CARMIL3: variants seen among roughly 807,000 people sequenced by gnomAD.
CARMIL3 encodes the protein capping protein, Arp2/3 and myosin-I linker protein 3.
A neutral mutation model predicts 180.8 loss-of-function variants in CARMIL3; 88 were observed. The observed-to-expected ratio is 0.49, with a 90% CI of 0.41 to 0.58. The LOEUF (loss-of-function observed/expected upper bound fraction) is 0.58, where lower values mean the gene tolerates loss of function less well. CARMIL3 is among the 20% of genes least tolerant of loss of function. The pLI, the probability that CARMIL3 is intolerant of heterozygous loss-of-function variation, is 0.00. For synonymous variants in CARMIL3, 696 were observed against 714.5 expected, an observed-to-expected ratio of 0.97 and a Z score of 0.41; for missense variants, 1,548 against 1,787.0, an observed-to-expected ratio of 0.87 and a Z score of 2.41.
intron 11 of CARMIL3, 82 bp from the exon 12 acceptor site, chr14:24,056,540 C>A: frequency 6.6e-7 from 1 of 1,509,676 alleles, no homozygotes; most frequent in Non-Finnish European, 9.2e-7. Flanking sequence ...CTGTACCCTA[C>A]TCGAGCCCCC....
chr14:24,062,641 C>G lies in CARMIL3; in HGVS notation c.2569-68C>G. ...CACATTATCCTGTCTCCCTAATCAC[C>G]CTCCCCTTCAAGGCCCTGGGAGGTG... On this transcript the variant is annotated intron_variant, in intron 28 of 39. Coordinates refer to ENST00000342740, the MANE Select transcript of CARMIL3 (RefSeq NM_138360.4). 4 of 1,613,096 alleles carry G rather than the reference C, an allele frequency of 2.5e-6. No homozygotes were observed. The South Asian group carries it at 4.4e-5, about 18-fold the overall frequency.
rs768781190 is a variant in CARMIL3, at chr14:24,060,951, G to A, written c.2215G>A (p.Gly739Ser). 6 of 1,551,692 alleles carry A rather than the reference G, an allele frequency of 3.9e-6. No individual in the cohort carries two copies. The highest frequency in any genetic ancestry group is 5.2e-6 in the Non-Finnish European group (6 of 1,146,996). ...GCTGTTTCCCAGCCTCTATGAGCTG[G>A]GCCACGTGCTGGCCAATGATGGGCC... Reference protein sequence around the residue: ...RALFPSLYELGHVLANDGPVR... With the variant: ...RALFPSLYELSHVLANDGPVR... Residue 739 changes from glycine to serine, a missense_variant, in exon 26 of 40, where the codon GGC (glycine) becomes AGC (serine). By Grantham distance (56) the Gly-to-Ser change is moderately conservative (BLOSUM62 0). Transcript: ENST00000342740.
chr14:24,060,859 C>T, intron 25 of CARMIL3, 68 bp from the exon 26 acceptor site: 1 of 1,539,294 alleles, frequency 6.5e-7, no homozygotes, highest in South Asian at 1.2e-5. Flanking sequence ...GCCTTCCTAG[C>T]CCAGGGACCC....
rs775912759 is a variant in CARMIL3 at position 24,068,655 on chromosome 14, G to A, written c.3754G>A (p.Glu1252Lys). 9.3e-6 allele frequency: 15 copies of A among 1,613,926 alleles called. No homozygotes were observed. In the Middle Eastern group the frequency reaches 4.9e-4, roughly 53 times the overall value. Residue 1252 changes from glutamate to lysine, a missense_variant, in exon 37 of 40, where the codon GAG becomes AAG. By Grantham distance (56) the Glu-to-Lys change is moderately conservative. This residue lies in a region of CARMIL3 where 668 missense variants were observed against 687.8 expected (regional missense o/e 0.97). Transcript: ENST00000342740. ...CTCCCAAGATGGGGAAGAGGAGAAGGAGGGGACCCTCTTCCCAGAGAGGAC... is the reference window on the plus strand; with the variant it reads ...CTCCCAAGATGGGGAAGAGGAGAAGAAGGGGACCCTCTTCCCAGAGAGGAC... ...PASQDGEEEK[E>K]GTLFPERTLP...
intron 32 of CARMIL3, 34 bp from the exon 33 acceptor site, chr14:24,064,924 G>GC: frequency 6.3e-7 from 1 of 1,598,866 alleles, no homozygotes; most frequent in Non-Finnish European, 8.5e-7. Context: ...CTTGCATCTG[G>GC]CATTTGTTGC....
chr14:24,057,260 T>A lies in CARMIL3; in HGVS notation c.1140+16T>A. On this transcript the variant is annotated intron_variant, in intron 14 of 39. Coordinates refer to ENST00000342740, the MANE Select transcript of CARMIL3 (RefSeq NM_138360.4). Reference sequence around the variant, plus strand: ...CATCGACTTGGTGAGGAGTTGGTGATGGGAAGCCAGTCTGAGGTGATTTGG... The same window carrying A: ...CATCGACTTGGTGAGGAGTTGGTGAAGGGAAGCCAGTCTGAGGTGATTTGG... 1 of 1,612,262 alleles carries A rather than the reference T, an allele frequency of 6.2e-7. No individual in the cohort carries two copies.
chr14:24,065,320 A>C, intron 33 of CARMIL3, 47 bp downstream of exon 33: 1 of 1,443,254 alleles, frequency 6.9e-7, no homozygotes, highest in South Asian at 1.5e-5. Flanking sequence ...CCTGCCCCAC[A>C]CTTAACCCAG....
rs1186450848 is a variant in CARMIL3 at position 24,054,826 on chromosome 14, T to G, written c.460+18T>G. On this transcript the variant is annotated intron_variant, in intron 6 of 39. Transcript: ENST00000342740. The surrounding 1 kb of genome is among the most constrained non-coding windows in gnomAD (Gnocchi z 5.1). ...TGTCTGCGGTGAGCAGGGGCAGATGTGAGGAAAGTAGGCGCTCCACCATCT... is the reference window on the plus strand; with the variant it reads ...TGTCTGCGGTGAGCAGGGGCAGATGGGAGGAAAGTAGGCGCTCCACCATCT... 3 of 1,606,430 alleles carry G rather than the reference T, an allele frequency of 1.9e-6. No homozygotes were observed. The highest frequency in any genetic ancestry group is 2.6e-6 in the Non-Finnish European group (3 of 1,174,114).
At position 24,062,700 on chromosome 14, in the gene CARMIL3, C is replaced by T. The variant is rs775879030; in HGVS notation, c.2569-9C>T. 6.2e-7 allele frequency: 1 copy of T among 1,607,510 alleles called. No individual in the cohort carries two copies. The highest frequency in any genetic ancestry group is 8.5e-7 in the Non-Finnish European group (1 of 1,175,994). On this transcript the variant is annotated splice_polypyrimidine_tract_variant and intron_variant, in intron 28 of 39. Coordinates refer to ENST00000342740, the MANE Select transcript of CARMIL3 (RefSeq NM_138360.4). The stretch of plus-strand genomic sequence containing the variant: ...CCATGGAATTCTGTTCACACCTGCC[C>T]TTCCCCAGGCCCGGCACCTGACCCA...
chr14:24,056,916 G>T lies in CARMIL3; in HGVS notation c.954G>T (p.Gly318=), dbSNP rs752977577. 6.2e-7 allele frequency: 1 copy of T among 1,613,932 alleles called. No homozygotes were observed. Among genetic ancestry groups the T allele is most frequent in the Non-Finnish European group, 8.5e-7 (1 of 1,179,960 alleles). The stretch of plus-strand genomic sequence containing the variant: ...CAGCCCAGTGCCCGCTGTGCTCAGG[G>T]CTCCAGGCACTCGGCCAGACCTTCG... The part of the protein sequence containing the change: ...CLAKTAISPR[G]LQALGQTFGA... Residue 318 remains glycine, a splice_region_variant and synonymous_variant, in exon 13 of 40, where the codon GGG becomes GGT. Transcript: ENST00000342740.
At position 24,069,405 on chromosome 14, in the gene CARMIL3, C is replaced by A; in HGVS notation, c.*1C>A. On this transcript the variant is annotated 3_prime_UTR_variant, in exon 40 of 40. Coordinates refer to ENST00000342740, the MANE Select transcript of CARMIL3 (RefSeq NM_138360.4). ...AACCAGTGAGCCAGGAACAGACTGA[C>A]AACTGCCACAACACCCTCCTCAGCC... is the stretch of plus-strand genomic sequence containing the variant. 2 of 1,614,120 alleles carry A rather than the reference C, an allele frequency of 1.2e-6. No individual in the cohort carries two copies. Among genetic ancestry groups the A allele is most frequent in the Non-Finnish European group, 1.7e-6 (2 of 1,180,010 alleles).
At chr14:24,064,826 A>C (rs1026535454) in intron 32 of CARMIL3, 132 bp from the exon 33 acceptor site, 6 of 919,800 alleles carry the variant, frequency 6.5e-6, no homozygotes, top group Non-Finnish European at 9.9e-6. Flanking sequence ...CAAGGGCATC[A>C]TCTCCCTGAG....
In CARMIL3 at chr14:24,059,694, T is replaced by C; in HGVS notation, c.1830T>C (p.Ser610=). The C allele has an allele frequency of 1.2e-6, 2 of 1,614,082 alleles. No homozygotes were observed. The highest frequency in any genetic ancestry group is 1.7e-6 in the Non-Finnish European group (2 of 1,179,994). Residue 610 remains serine, a synonymous_variant, in exon 22 of 40, where the codon TCT becomes TCC. Coordinates refer to ENST00000342740, the MANE Select transcript of CARMIL3 (RefSeq NM_138360.4). This position sits in a 1 kb window ranked among gnomAD's most constrained non-coding sequence, Gnocchi z 6.3. Reference sequence around the variant, plus strand: ...TCCTATGGGATCGGAACAATACATCTGCCCTGGGCTTCCTGGACATCGCAA... The same window carrying C: ...TCCTATGGGATCGGAACAATACATCCGCCCTGGGCTTCCTGGACATCGCAA... ...RTILWDRNNT[S]ALGFLDIARA... is the part of the protein sequence containing the mutation.
At chr14:24,053,931 G>C (rs1052011157) in intron 2 of CARMIL3, 128 bp downstream of exon 2, 1 of 1,142,788 alleles carries the variant, frequency 8.8e-7, no homozygotes, top group South Asian at 1.5e-5. Flanking sequence ...AACCTGGGGG[G>C]AGGAGGCAGG....
Position 24,052,066 on chromosome 14 carries a change from G to A in CARMIL3, c.-88G>A. On this transcript the variant is annotated 5_prime_UTR_variant, in exon 1 of 40. Transcript: ENST00000342740. ...CGCTGCTGCAGCGCTCAGCGCCCGG[G>A]CCCTGCTGAAGCCGGGTCTAGCATG... 2 of 1,363,438 alleles carry A rather than the reference G, an allele frequency of 1.5e-6. No individual in the cohort carries two copies. The highest frequency in any genetic ancestry group is 1.9e-6 in the Non-Finnish European group (2 of 1,032,720). The allele number at this position is 1,363,438 out of a possible 1,614,324, so 84.5% of individuals were successfully genotyped here. A position where few individuals can be genotyped will look rare whatever the true frequency, so the allele number is the denominator to read the frequency against.
rs778358157 is a variant in CARMIL3, at chr14:24,062,748, C to G, written c.2608C>G (p.Pro870Ala). The change falls in exon 29 of 40, where the codon CCA becomes GCA. Residue 870 changes from proline to alanine, a missense_variant. This residue lies in a region of CARMIL3 where 668 missense variants were observed against 687.8 expected (regional missense o/e 0.97). Transcript: ENST00000342740. The stretch of plus-strand genomic sequence containing the variant: ...CCAGCTAAGGACGCTGTCAGATCCA[C>G]CAGGGTGCCCAGGCCAAGGGCAGGA... ...LTQLRTLSDP[P>A]GCPGQGQDLS... is the part of the protein sequence containing the mutation. 6.2e-7 allele frequency: 1 copy of G among 1,613,270 alleles called. No individual in the cohort carries two copies. The highest frequency in any genetic ancestry group is 8.5e-7 in the Non-Finnish European group (1 of 1,179,546).
rs538153554 is a variant in CARMIL3, at chr14:24,066,622, C to T, written c.3648C>T (p.Ser1216=). Residue 1216 remains serine (S), a synonymous_variant, in exon 36 of 40, where the codon AGC becomes AGT. Coordinates refer to ENST00000342740, the MANE Select transcript of CARMIL3 (RefSeq NM_138360.4). ...CCCAAAGCACCAAACCAAGCTTCAGCGCCATGCGCAGAGCAGAGGCCACAT... is the reference window on the plus strand; with the variant it reads ...CCCAAAGCACCAAACCAAGCTTCAGTGCCATGCGCAGAGCAGAGGCCACAT... ...PPPQSTKPSF[S]AMRRAEATWH... 60 of 1,614,222 alleles carry T rather than the reference C, an allele frequency of 3.7e-5. No homozygotes were observed. The highest frequency in any genetic ancestry group is 1.6e-4 in the Middle Eastern group (1 of 6,062).
chr14:24,065,165 C>G lies in CARMIL3; in HGVS notation c.3288C>G (p.Asp1096Glu). The G allele has an allele frequency of 6.7e-7, 1 of 1,487,310 alleles. No individual in the cohort carries two copies. 92.1% of individuals were successfully genotyped at this position (1,487,310 alleles called of 1,614,324 possible). A position where few individuals can be genotyped will look rare whatever the true frequency, so the allele number is the denominator to read the frequency against. Residue 1096 changes from aspartate (D) to glutamate (E), a missense_variant, in exon 33 of 40, where the codon GAC becomes GAG. This residue lies in a region of CARMIL3 where 668 missense variants were observed against 687.8 expected (regional missense o/e 0.97). Transcript: ENST00000342740. ...CTCAGGAGAGCCCCCCTAGCCCAGA[C>G]CCCCCAAGCCTCGGCAATAACTCCT... ...PPTQESPPSP[D>E]PPSLGNNSSP...
rs1371940577 is a variant in CARMIL3 at position 24,054,530 on chromosome 14, G to T, written c.362+19G>T. 9 of 1,598,626 alleles carry T rather than the reference G, an allele frequency of 5.6e-6. No individual in the cohort carries two copies. The Admixed American group carries it at 1.5e-4, about 27-fold the overall frequency. On this transcript the variant is annotated intron_variant, in intron 5 of 39. Coordinates refer to ENST00000342740, the MANE Select transcript of CARMIL3 (RefSeq NM_138360.4). This position sits in a 1 kb window ranked among gnomAD's most constrained non-coding sequence, Gnocchi z 5.1. ...GCCCTGGGTGAGTGGCAAATAAGGG[G>T]TCTCTTAAGGCATTAGATGAGAGGG...
Sources: gnomAD v4.1 joint callset for allele counts on GRCh38, gnomAD v4.1.1 for gene constraint, gnomAD v4.1.1 regional missense constraint, Gnocchi (gnomAD v3.1) non-coding constraint, MANE v1.5 for transcripts, NCBI Gene and HGNC (gene_info 2026-07-23, HGNC 2026-07-21) for gene names.